NINJ1: variants seen among roughly 807,000 people sequenced by gnomAD.
NINJ1 encodes the protein ninjurin-1.
A neutral mutation model predicts 12.7 loss-of-function variants in NINJ1; 6 were observed. The observed-to-expected ratio is 0.47, with a 90% CI of 0.26 to 0.93. The LOEUF (loss-of-function observed/expected upper bound fraction) is 0.93. Ranked by LOEUF, NINJ1 falls within the 40% of genes least tolerant of loss-of-function variation. NINJ1 has a pLI of 0.15. For synonymous variants in NINJ1, 100 were observed against 96.0 expected, an observed-to-expected ratio of 1.04 and a Z score of -0.25; for missense variants, 170 against 213.0, an observed-to-expected ratio of 0.80 and a Z score of 1.26.
At chr9:93,124,602 G>A (rs1827782675) in intron 3 of NINJ1, among the ~76,000 whole-genome samples, 2 of 150,922 alleles carry the variant, frequency 1.3e-5, no homozygotes, top group South Asian at 4.2e-4. Flanking sequence ...TTATCGGACA[G>A]ACATTCTGAA....
chr9:93,126,398 C>G lies in NINJ1; in HGVS notation c.304+12G>C. On this transcript the variant is annotated intron_variant, in intron 2 of 3. Coordinates refer to ENST00000375446, the MANE Select transcript of NINJ1 (RefSeq NM_004148.4). ...GAGCAGGTGGCCTGGCTGCCCCCAC[C>G]TGGGGACCTACCAAGGAAGATGAGC... is the stretch of plus-strand genomic sequence containing the variant. 1 of 1,608,464 alleles carries G rather than the reference C, an allele frequency of 6.2e-7. No homozygotes were observed. The highest frequency in any genetic ancestry group is 8.5e-7 in the Non-Finnish European group (1 of 1,175,950).
At chr9:93,126,067 A>G in intron 2 of NINJ1, 2 of 289,574 alleles carry the variant, frequency 6.9e-6, no homozygotes, top group South Asian at 1.2e-4. Context: ...CATGGTGATG[A>G]GCGCCTGTAA....
rs1441366872 is a variant in NINJ1, at chr9:93,126,648, G to T, written c.76-10C>A. The T allele has an allele frequency of 6.3e-7, 1 of 1,589,118 alleles. No individual in the cohort carries two copies. The highest frequency in any genetic ancestry group is 8.6e-7 in the Non-Finnish European group (1 of 1,164,906). ...AGCCCCAGCGGGCCGGCTGCAGGGA[G>T]GGGAATGGTCAGCAAGGCGGGTGGG... On this transcript the variant is annotated splice_polypyrimidine_tract_variant and intron_variant, in intron 1 of 3. Coordinates refer to ENST00000375446, the MANE Select transcript of NINJ1 (RefSeq NM_004148.4).
chr9:93,125,338 T>C (rs1375099609), intron 2 of NINJ1: 4 of 280,852 alleles, frequency 1.4e-5, no homozygotes, highest in Middle Eastern at 1.1e-3. Context: ...GCTATGGACG[T>C]CAACCAAAGG....
chr9:93,133,392 C>T (rs1314883319), intron 1 of NINJ1, among the ~76,000 whole-genome samples: 1 of 152,270 alleles, frequency 6.6e-6, no homozygotes, highest in Non-Finnish European at 1.5e-5. Flanking sequence ...GTAAACAAGT[C>T]ACCAGAGGGC....
chr9:93,126,681 G>C (rs1430190873), intron 1 of NINJ1, 43 bp from the exon 2 acceptor site: 1 of 1,500,264 alleles, frequency 6.7e-7, no homozygotes, highest in Admixed American at 1.8e-5. Context: ...GGGGGAGGGG[G>C]GCAAGGGCTG....
At chr9:93,132,988 T>C (rs1057143833) in intron 1 of NINJ1, among the ~76,000 whole-genome samples, 1 of 152,142 alleles carries the variant, frequency 6.6e-6, no homozygotes, top group African/African-American at 2.4e-5. Context: ...TATAAGACCA[T>C]GTCTAAAAGG....
In NINJ1 at chr9:93,121,637, G is replaced by T. The variant is rs968598002; in HGVS notation, c.*603C>A. ...CAAGGTCTACGGCCCTCACAGGCCTGACTGGCTCCCTCTTGATGGCCACCA... is the reference window on the plus strand; with the variant it reads ...CAAGGTCTACGGCCCTCACAGGCCTTACTGGCTCCCTCTTGATGGCCACCA... On this transcript the variant is annotated 3_prime_UTR_variant, in exon 4 of 4. Transcript: ENST00000375446. The T allele has an allele frequency of 6.6e-6, 1 of 152,370 alleles. No homozygotes were observed. 9.4% of individuals were successfully genotyped at this position (152,370 alleles called of 1,614,324 possible).
chr9:93,133,514 C>T (rs10821074), intron 1 of NINJ1, among the ~76,000 whole-genome samples: 66,093 of 152,232 alleles, frequency 0.43, 16,048 homozygotes, highest in East Asian at 0.64. Context: ...ACAGCCCTCC[C>T]AGGCCGGGCA....
chr9:93,132,405 C>T (rs547023318), intron 1 of NINJ1, among the ~76,000 whole-genome samples: 2 of 152,330 alleles, frequency 1.3e-5, no homozygotes, highest in South Asian at 4.1e-4. Flanking sequence ...CTACCTGGCC[C>T]TCATGTGCTC....
chr9:93,127,731 C>A (rs541236873), intron 1 of NINJ1, among the ~76,000 whole-genome samples: 10 of 152,258 alleles, frequency 6.6e-5, no homozygotes, highest in African/African-American at 2.4e-4. Context: ...AGACCACAGC[C>A]TCCCAGGACT....
At chr9:93,134,093 G>A in intron 1 of NINJ1, 50 bp downstream of exon 1, 1 of 1,414,048 alleles carries the variant, frequency 7.1e-7, no homozygotes, top group South Asian at 1.3e-5. Flanking sequence ...GCGGCGCCCC[G>A]AAAGGACAGG....
rs1047197598 is a variant in NINJ1 at position 93,128,284 on chromosome 9, T to C, written c.76-1646A>G. On this transcript the variant is annotated intron_variant, in intron 1 of 3. Coordinates refer to ENST00000375446, the MANE Select transcript of NINJ1 (RefSeq NM_004148.4). ...GCCTCTCCCACCCTGGGCCTGACGC[T>C]GCACTCCCTGGGATTCCCCCAGGCC... Among the ~76,000 whole-genome samples, 294 of 152,326 alleles carry C rather than the reference T, an allele frequency of 1.9e-3. 3 individuals carry two copies. Among genetic ancestry groups the C allele is most frequent in the Non-Finnish European group, 4.9e-4 (33 of 68,026 alleles).
intron 1 of NINJ1, among the ~76,000 whole-genome samples, chr9:93,133,169 C>A (rs941890365): frequency 5.9e-5 from 9 of 152,308 alleles, no homozygotes; most frequent in African/African-American, 2.2e-4. Flanking sequence ...GTCCATGCAG[C>A]CCCAGGGCCA....
chr9:93,128,244 T>C (rs1304050437), intron 1 of NINJ1, among the ~76,000 whole-genome samples: 1 of 152,178 alleles, frequency 6.6e-6, no homozygotes, highest in Non-Finnish European at 1.5e-5. Context: ...GAAGCCTCTA[T>C]GGGGTGTCTA....
At chr9:93,131,822 G>T (rs972628832) in intron 1 of NINJ1, among the ~76,000 whole-genome samples, 12 of 152,230 alleles carry the variant, frequency 7.9e-5, no homozygotes, top group Non-Finnish European at 1.3e-4. Flanking sequence ...GCCCACCCAG[G>T]TTGGAGTTCC....
rs1467659502 is a variant in NINJ1, at chr9:93,126,500, G to A, written c.214C>T (p.Pro72Ser). 6.2e-7 allele frequency: 1 copy of A among 1,614,208 alleles called. No homozygotes were observed. Among genetic ancestry groups the A allele is most frequent in the East Asian group, 2.2e-5 (1 of 44,886 alleles). The change falls in exon 2 of 4, where the codon CCC becomes TCC. Residue 72 changes from proline (P) to serine (S), a missense_variant. By Grantham distance (74) the Pro-to-Ser change is moderately conservative. Coordinates refer to ENST00000375446, the MANE Select transcript of NINJ1 (RefSeq NM_004148.4). ...SQLKAVVEQG[P>S]SFAFYVPLVV... Reference sequence around the variant, plus strand: ...AGGGGCACATAGAAGGCGAAGCTGGGGCCCTGTTCCACGACGGCCTTCAGC... The same window carrying A: ...AGGGGCACATAGAAGGCGAAGCTGGAGCCCTGTTCCACGACGGCCTTCAGC...
intron 1 of NINJ1, among the ~76,000 whole-genome samples, chr9:93,128,673 C>G (rs570810666): frequency 5.3e-5 from 8 of 152,360 alleles, no homozygotes; most frequent in African/African-American, 9.6e-5. Context: ...TGCCTTCCTT[C>G]AAGGCCACCC....
chr9:93,123,905 T>G (rs988408341), intron 3 of NINJ1, among the ~76,000 whole-genome samples: 1 of 152,224 alleles, frequency 6.6e-6, no homozygotes, highest in Non-Finnish European at 1.5e-5. Flanking sequence ...ACGCTCACCC[T>G]CTCTGAGCAA....
Sources: gnomAD v4.1 joint callset for allele counts (sites outside exome capture counted in the v4.1 genomes callset) on GRCh38, gnomAD v4.1.1 for gene constraint, MANE v1.5 for transcripts, NCBI Gene and HGNC (gene_info 2026-07-23, HGNC 2026-07-21) for gene names.